Variants in PDE11A observed in about 807,000 individuals in gnomAD.
PDE11A encodes dual 3',5'-cyclic-AMP and -GMP phosphodiesterase 11A.
Under a neutral mutation model 100.5 loss-of-function variants are expected in PDE11A, and 100 were observed. The observed-to-expected ratio is 1.00, with a 90% confidence interval of 0.85 to 1.18. The LOEUF (loss-of-function observed/expected upper bound fraction) is 1.18. Ranked by LOEUF, PDE11A falls within the 50% of genes most tolerant of loss-of-function variation. The pLI is 0.00. For missense variants in PDE11A, 1,141 were observed against 1,152.6 expected, an observed-to-expected ratio of 0.99 and a Z score of 0.15; for synonymous variants, 381 against 420.8, an observed-to-expected ratio of 0.91 and a Z score of 1.16.
chr2:177,767,116 G>A (rs2082250390), intron 10 of PDE11A, among the ~76,000 whole-genome samples: 1 of 152,290 alleles, frequency 6.6e-6, no homozygotes, highest in South Asian at 2.1e-4. Context: ...CAGACCACAA[G>A]GTCAGGAGTT....
At chr2:177,704,052 T>C (rs2105546595) in intron 13 of PDE11A, among the ~76,000 whole-genome samples, 1 of 152,232 alleles carries the variant, frequency 6.6e-6, no homozygotes, top group East Asian at 1.9e-4. Context: ...TAGGTAGATT[T>C]TGCCACTGAA....
chr2:177,959,308 GGAC>G (rs1329321781), intron 2 of PDE11A, among the ~76,000 whole-genome samples: 1 of 152,146 alleles, frequency 6.6e-6, no homozygotes, highest in East Asian at 1.9e-4. Flanking sequence ...AGATGATGCA[GGAC>G]CTCGGAAGCC....
chr2:177,907,450 CTA>C, intron 2 of PDE11A, among the ~76,000 whole-genome samples: 1 of 152,270 alleles, frequency 6.6e-6, no homozygotes, highest in East Asian at 1.9e-4. Flanking sequence ...AGGCATGATG[CTA>C]TGTGTCAGGG....
At chr2:177,911,601 G>C (rs916300415) in intron 2 of PDE11A, among the ~76,000 whole-genome samples, 10 of 152,086 alleles carry the variant, frequency 6.6e-5, no homozygotes, top group African/African-American at 2.2e-4. Context: ...AATTGTAATG[G>C]GGCCAGGCGC....
intron 5 of PDE11A, among the ~76,000 whole-genome samples, chr2:177,873,613 C>T (rs938309558): frequency 6.6e-6 from 1 of 152,014 alleles, no homozygotes; most frequent in Non-Finnish European, 1.5e-5. Context: ...GTATAATCAC[C>T]ACTGCAAGCA....
rs967405384 is a variant in PDE11A at position 177,633,140 on chromosome 2, A to G, written c.2647-3578T>C. ...TATTTTTTGTTCTGTGGACAGGGTT[A>G]TATCCCTGGTCCCGTGTAAACACCT... On this transcript the variant is annotated intron_variant, in intron 19 of 19. Coordinates refer to ENST00000286063, the MANE Select transcript of PDE11A (RefSeq NM_016953.4). Among the ~76,000 whole-genome samples, 13 of 152,358 alleles carry G rather than the reference A, an allele frequency of 8.5e-5. No individual in the cohort carries two copies. In the East Asian group the frequency reaches 2.5e-3, roughly 29 times the overall value.
intron 4 of PDE11A, among the ~76,000 whole-genome samples, chr2:177,879,867 A>C (rs1207986517): frequency 1.1e-4 from 17 of 152,202 alleles, no homozygotes; most frequent in Admixed American, 1.1e-3. Flanking sequence ...AGGAAAAAAC[A>C]CTTTTTTCTA....
rs1487018432 is a variant in PDE11A, at chr2:178,095,001, G to A, written c.162+9301C>T. Among the ~76,000 whole-genome samples, 13 of 152,206 alleles carry A rather than the reference G, an allele frequency of 8.5e-5. No homozygotes were observed. The South Asian group carries it at 1.2e-3, about 15-fold the overall frequency. ...GTGGAGATTATGGGGATTGCAATTC[G>A]AGATGAGATTTGGGTGGGGACACAG... On this transcript the variant is annotated intron_variant, in intron 2 of 20. Transcript: ENST00000358450.
intron 1 of PDE11A, among the ~76,000 whole-genome samples, chr2:178,020,621 A>G (rs1477756384): frequency 1.3e-5 from 2 of 152,030 alleles, no homozygotes; most frequent in South Asian, 2.1e-4. Flanking sequence ...GTGAAACCCC[A>G]TCTCTACTAA....
chr2:177,966,005 A>G (rs1027163068), intron 2 of PDE11A, among the ~76,000 whole-genome samples: 4 of 152,082 alleles, frequency 2.6e-5, no homozygotes, highest in Admixed American at 2.0e-4. Flanking sequence ...ATGTTTTTCC[A>G]TTTGTATTTG....
chr2:177,851,974 C>A (rs2083719050), intron 5 of PDE11A, among the ~76,000 whole-genome samples: 1 of 152,076 alleles, frequency 6.6e-6, no homozygotes, highest in South Asian at 2.1e-4. Context: ...TCATTTAGCT[C>A]CCACTTATAA....
At chr2:177,798,086 G>T (rs976925629) in intron 9 of PDE11A, among the ~76,000 whole-genome samples, 1 of 152,160 alleles carries the variant, frequency 6.6e-6, no homozygotes, top group African/African-American at 2.4e-5. Context: ...TGCTTGAATA[G>T]CATGCTACTT....
At chr2:177,726,057 G>A (rs1292402980) in intron 12 of PDE11A, among the ~76,000 whole-genome samples, 1 of 151,952 alleles carries the variant, frequency 6.6e-6, no homozygotes, top group Non-Finnish European at 1.5e-5. Flanking sequence ...TGTTTACTGA[G>A]GTAGGATATG....
At chr2:177,637,998 T>TATATATATATATATATATATA (rs1491152209) in intron 19 of PDE11A, among the ~76,000 whole-genome samples, 2 of 22,178 alleles carry the variant, frequency 9.0e-5, no homozygotes, top group African/African-American at 2.3e-4. Flanking sequence ...TATATATATA[T>TATATATATATATATATATATA]TTTTTTTTTT....
rs191013544 is a variant in PDE11A, at chr2:177,624,418, T to A, written c.*4989A>T. 1 of 152,104 alleles carries A rather than the reference T, an allele frequency of 6.6e-6. No individual in the cohort carries two copies. The highest frequency in any genetic ancestry group is 2.4e-5 in the African/African-American group (1 of 41,426). The allele number at this position is 152,104 out of a possible 1,614,324, so 9.4% of individuals were successfully genotyped here. A position where few individuals can be genotyped will look rare whatever the true frequency, so the allele number is the denominator to read the frequency against. On this transcript the variant is annotated 3_prime_UTR_variant, in exon 20 of 20. Coordinates refer to ENST00000286063, the MANE Select transcript of PDE11A (RefSeq NM_016953.4). ...AATTTCTAAGAGTCAGCAGGAAAAATAGATTTTAAAATAATTTTACTGCAG... is the reference window on the plus strand; with the variant it reads ...AATTTCTAAGAGTCAGCAGGAAAAAAAGATTTTAAAATAATTTTACTGCAG...
At chr2:178,035,244 A>G (rs1372724196) in intron 1 of PDE11A, among the ~76,000 whole-genome samples, 1 of 152,226 alleles carries the variant, frequency 6.6e-6, no homozygotes, top group Non-Finnish European at 1.5e-5. Context: ...GAATACTACA[A>G]ACACTACTAC....
upstream of PDE11A, among the ~76,000 whole-genome samples, chr2:178,076,652 A>G (rs915437778): frequency 6.6e-6 from 1 of 152,252 alleles, no homozygotes; most frequent in Non-Finnish European, 1.5e-5. Flanking sequence ...TAAAACAGAC[A>G]TTACTGACTT....
rs530156298 is a variant in PDE11A at position 178,031,691 on chromosome 2, T to C, written c.913-17231A>G. Among the ~76,000 whole-genome samples the C allele has an allele frequency of 1.7e-4, 26 of 152,230 alleles. No homozygotes were observed. In the East Asian group the frequency reaches 4.0e-3, roughly 24 times the overall value. ...AATTGGAAAAAAATATATATCATATTATTGGGTAGGAAGACTGACTCTCAT... is the reference window on the plus strand; with the variant it reads ...AATTGGAAAAAAATATATATCATATCATTGGGTAGGAAGACTGACTCTCAT... On this transcript the variant is annotated intron_variant, in intron 1 of 19. Transcript: ENST00000286063.
At chr2:177,715,348 C>A (rs534404741) in intron 12 of PDE11A, among the ~76,000 whole-genome samples, 52 of 152,304 alleles carry the variant, frequency 3.4e-4, no homozygotes, top group African/African-American at 1.3e-3. Context: ...TGGTGTTCAG[C>A]AATTTCACAG....
Sources: allele counts gnomAD v4.1 joint callset (sites outside exome capture counted in the v4.1 genomes callset), GRCh38; gene constraint gnomAD v4.1.1; transcripts MANE v1.5; gene names NCBI Gene and HGNC (gene_info 2026-07-23, HGNC 2026-07-21).